The following STOX1 variants were observed in gnomAD, a reference collection of about 807,000 sequenced individuals.
STOX1 encodes storkhead box 1.
Under a neutral mutation model 74.8 loss-of-function variants are expected in STOX1, and 57 were observed. The observed-to-expected ratio is 0.76, with a 90% CI of 0.62 to 0.95. The LOEUF (loss-of-function observed/expected upper bound fraction) is 0.95, where lower values mean the gene tolerates loss of function less well. Ranked by LOEUF, STOX1 falls within the 40% of genes least tolerant of loss-of-function variation. The probability of loss-of-function intolerance (pLI) is 0.00; values close to 1 mark genes in which losing one functional copy is unlikely to be tolerated. For missense variants in STOX1, 1,010 were observed against 1,117.0 expected, an observed-to-expected ratio of 0.90 and a Z score of 1.37; for synonymous variants, 375 against 401.3, an observed-to-expected ratio of 0.93 and a Z score of 0.78.
In STOX1 at chr10:68,892,774, G is replaced by A; in HGVS notation, c.*38G>A. ...AACCTACTTTTTTCTTTATAAAAAG[G>A]TAGAGCATTATTACAGAATCTTTCA... On this transcript the variant is annotated 3_prime_UTR_variant, in exon 4 of 4. Coordinates refer to ENST00000298596, the MANE Select transcript of STOX1 (RefSeq NM_152709.5). 2 of 1,595,058 alleles carry A rather than the reference G, an allele frequency of 1.3e-6. No individual in the cohort carries two copies. The highest frequency in any genetic ancestry group is 1.7e-6 in the Non-Finnish European group (2 of 1,163,896).
At chr10:68,864,879 A>G (rs1186477610) in intron 1 of STOX1, among the ~76,000 whole-genome samples, 1 of 152,230 alleles carries the variant, frequency 6.6e-6, no homozygotes, top group African/African-American at 2.4e-5. Flanking sequence ...GGCCGTATGC[A>G]ATTAATGTCC....
At chr10:68,852,791 A>G (rs1340069412) in intron 1 of STOX1, among the ~76,000 whole-genome samples, 1 of 151,140 alleles carries the variant, frequency 6.6e-6, no homozygotes, top group Admixed American at 6.6e-5. Flanking sequence ...ACTCAGAATC[A>G]GAATTCATAT....
intron 3 of STOX1, among the ~76,000 whole-genome samples, chr10:68,887,950 G>C (rs1306724138): frequency 2.0e-5 from 3 of 152,218 alleles, no homozygotes; most frequent in African/African-American, 7.2e-5. Context: ...TATAAAAATA[G>C]TATAGCCATG....
chr10:68,890,654 T>C (rs553580626), intron 3 of STOX1, among the ~76,000 whole-genome samples: 7 of 147,984 alleles, frequency 4.7e-5, no homozygotes, highest in African/African-American at 9.9e-5. Context: ...CTTTTCTTTT[T>C]TTTTTTTTTT....
At chr10:68,843,486 G>T (rs1839746467) in intron 1 of STOX1, among the ~76,000 whole-genome samples, 1 of 152,108 alleles carries the variant, frequency 6.6e-6, no homozygotes, top group Admixed American at 6.6e-5. Context: ...CAATGTATGA[G>T]AATTCCAGTT....
In STOX1 at chr10:68,892,889, C is replaced by CT; in HGVS notation, c.*160dup. ...TTACACATTTTGTTCTAATTACTGG[C>CT]TTTTTTTCCTCTTTTGGTGTCTTAA... On this transcript the variant is annotated 3_prime_UTR_variant, in exon 4 of 4. Coordinates refer to ENST00000298596, the MANE Select transcript of STOX1 (RefSeq NM_152709.5). 2 of 853,506 alleles carry CT rather than the reference C, an allele frequency of 2.3e-6. No individual in the cohort carries two copies. The highest frequency in any genetic ancestry group is 2.7e-5 in the East Asian group (1 of 36,882). 52.9% of individuals were successfully genotyped at this position (853,506 alleles called of 1,614,324 possible).
intron 1 of STOX1, among the ~76,000 whole-genome samples, chr10:68,845,232 G>A (rs1839808513): frequency 6.6e-6 from 1 of 151,020 alleles, no homozygotes; most frequent in African/African-American, 2.4e-5. Flanking sequence ...GCACCCCCAA[G>A]TAGCTGGGAC....
At chr10:68,844,672 G>A (rs1839789653) in intron 1 of STOX1, among the ~76,000 whole-genome samples, 1 of 152,144 alleles carries the variant, frequency 6.6e-6, no homozygotes, top group African/African-American at 2.4e-5. Flanking sequence ...TAAATTGTAG[G>A]ATTTCTTCAT....
intron 3 of STOX1, among the ~76,000 whole-genome samples, chr10:68,890,201 T>C (rs2132006189): frequency 6.6e-6 from 1 of 152,108 alleles, no homozygotes; most frequent in African/African-American, 2.4e-5. Context: ...GGTCTCACAC[T>C]GTTGCCCAGG....
chr10:68,840,384 A>G (rs943622234), intron 1 of STOX1, among the ~76,000 whole-genome samples: 4 of 152,058 alleles, frequency 2.6e-5, no homozygotes, highest in African/African-American at 7.2e-5. Flanking sequence ...ATTTTTATCT[A>G]TTTATTTATT....
chr10:68,834,058 G>A (rs758213451), intron 1 of STOX1, among the ~76,000 whole-genome samples: 20 of 152,196 alleles, frequency 1.3e-4, no homozygotes, highest in Non-Finnish European at 2.5e-4. Context: ...TTAGGCAGGA[G>A]TTCTTTGTGC....
intron 1 of STOX1, among the ~76,000 whole-genome samples, chr10:68,873,111 G>A (rs1840575535): frequency 6.6e-6 from 1 of 152,060 alleles, no homozygotes; most frequent in Admixed American, 6.6e-5. Flanking sequence ...CTAGGCTCAA[G>A]CAATCCTCCA....
chr10:68,842,823 G>A (rs796685958), intron 1 of STOX1, among the ~76,000 whole-genome samples: 8 of 152,152 alleles, frequency 5.3e-5, no homozygotes, highest in African/African-American at 1.9e-4. Flanking sequence ...ACAGGTGTGA[G>A]CCACTGCGCC....
intron 1 of STOX1, among the ~76,000 whole-genome samples, chr10:68,835,669 A>C (rs10762244): frequency 6.6e-6 from 1 of 152,030 alleles, no homozygotes; most frequent in African/African-American, 2.4e-5. Context: ...TTTTAAACAC[A>C]TTAAGTTACT....
chr10:68,831,210 G>A (rs1163188662), intron 1 of STOX1, among the ~76,000 whole-genome samples: 3 of 151,910 alleles, frequency 2.0e-5, no homozygotes, highest in South Asian at 2.1e-4. Context: ...TTTTTGAGAC[G>A]ATGTTTCACC....
intron 1 of STOX1, among the ~76,000 whole-genome samples, chr10:68,850,274 C>A (rs1002122567): frequency 4.6e-5 from 7 of 152,212 alleles, no homozygotes; most frequent in African/African-American, 1.7e-4. Context: ...TCCCAAAGTG[C>A]TGGGATTACA....
chr10:68,845,049 G>A (rs570637688), intron 1 of STOX1, among the ~76,000 whole-genome samples: 1 of 151,510 alleles, frequency 6.6e-6, no homozygotes, highest in Non-Finnish European at 1.5e-5. Flanking sequence ...AGGTGTGAGC[G>A]ACAGTGCCTG....
chr10:68,891,138 G>C (rs1317316436), intron 3 of STOX1, among the ~76,000 whole-genome samples: 3 of 152,160 alleles, frequency 2.0e-5, no homozygotes, highest in Non-Finnish European at 2.9e-5. Context: ...ATTTCTTAAG[G>C]ATTGCTTATT....
intron 3 of STOX1, among the ~76,000 whole-genome samples, chr10:68,890,699 G>T (rs1458641514): frequency 7.2e-6 from 1 of 137,964 alleles, no homozygotes; most frequent in Non-Finnish European, 1.5e-5. Context: ...CACCCAGGCT[G>T]CAGTGCAGTA....
Sources: allele counts gnomAD v4.1 joint callset (sites outside exome capture counted in the v4.1 genomes callset), GRCh38; gene constraint gnomAD v4.1.1; transcripts MANE v1.5; gene names NCBI Gene and HGNC (gene_info 2026-07-23, HGNC 2026-07-21).